SCN1A: variants seen among roughly 807,000 people sequenced by gnomAD.
The protein encoded by SCN1A is sodium channel protein type 1 subunit alpha.
A neutral mutation model predicts 193.7 loss-of-function variants in SCN1A; 13 were observed. The observed-to-expected ratio is 0.07, with a 90% CI of 0.04 to 0.11. The LOEUF (loss-of-function observed/expected upper bound fraction) is 0.11, where lower values mean the gene tolerates loss of function less well. SCN1A is among the 10% of genes least tolerant of loss of function. The probability of loss-of-function intolerance (pLI) is 1.00; values close to 1 mark genes in which losing one functional copy is unlikely to be tolerated. For synonymous variants in SCN1A, 781 were observed against 843.6 expected (o/e 0.93, Z 1.29); for missense variants, 1,432 against 2,451.1 (o/e 0.58, Z 8.78).
chr2:166,049,788 T>G (rs1698320623), intron 9 of SCN1A, among the ~76,000 whole-genome samples: 1 of 152,008 alleles, frequency 6.6e-6, no homozygotes, highest in South Asian at 2.1e-4. Context: ...TTGTAATTAT[T>G]TATTTACAAA....
upstream of SCN1A, among the ~76,000 whole-genome samples, chr2:166,129,946 A>C (rs1248725295): frequency 1.3e-5 from 2 of 152,142 alleles, no homozygotes; most frequent in Non-Finnish European, 2.9e-5. Context: ...GAGCCACTAC[A>C]TGTGATTCTG....
chr2:166,146,835 AC>A, intron 1 of SCN1A, among the ~76,000 whole-genome samples: 1 of 152,232 alleles, frequency 6.6e-6, no homozygotes, highest in East Asian at 1.9e-4. Context: ...CTTCTTATGG[AC>A]ATATTTAGAC....
In SCN1A at chr2:165,992,535, A is replaced by ACAG; in HGVS notation, c.4853-114_4853-113insCTG. 1.3e-5 allele frequency: 12 copies of ACAG among 893,212 alleles called. No homozygotes were observed. The Admixed American group carries it at 2.6e-4, about 19-fold the overall frequency. 55.3% of individuals were successfully genotyped at this position (893,212 alleles called of 1,614,324 possible). A position where few individuals can be genotyped will look rare whatever the true frequency, so the allele number is the denominator to read the frequency against. ...TCAGAGTCCTGAACCCAGTTATATT[A>ACAG]AATATGACAACTATATATAATATAT... On this transcript the variant is annotated intron_variant, in intron 28 of 28. Transcript: ENST00000674923. This position sits in a 1 kb window ranked among gnomAD's most constrained non-coding sequence, Gnocchi z 6.5.
chr2:165,985,143 A>G (rs545614433), downstream of SCN1A: 21 of 152,274 alleles, frequency 1.4e-4, no homozygotes, highest in Non-Finnish European at 2.9e-4. Flanking sequence ...GACAAAAAGG[A>G]TCAGTCAAGA....
intron 1 of SCN1A, among the ~76,000 whole-genome samples, chr2:166,140,548 T>C (rs1044668716): frequency 3.3e-5 from 5 of 152,176 alleles, no homozygotes; most frequent in African/African-American, 7.2e-5. Flanking sequence ...AATATAACTA[T>C]GTTTGGACGT....
At chr2:166,054,524 T>C (rs1181961245) in intron 7 of SCN1A, 114 bp downstream of exon 7, 1 of 1,093,592 alleles carries the variant, frequency 9.1e-7, no homozygotes, top group African/African-American at 1.6e-5. Flanking sequence ...AGAGTTTGAA[T>C]GTATAAATCA....
At chr2:166,121,435 C>T (rs986570564) in intron 2 of SCN1A, among the ~76,000 whole-genome samples, 1 of 152,150 alleles carries the variant, frequency 6.6e-6, no homozygotes, top group Non-Finnish European at 1.5e-5. Flanking sequence ...TTTTCTGTCA[C>T]TTTCCTCACT....
intron 3 of SCN1A, 139 bp from the exon 4 acceptor site, chr2:166,073,809 A>T (rs1684730241): frequency 1.5e-6 from 1 of 653,880 alleles, no homozygotes; most frequent in Admixed American, 3.1e-5. Context: ...TAAAGAAAAA[A>T]TTTTAACACA....
intron 2 of SCN1A, among the ~76,000 whole-genome samples, chr2:166,091,908 C>T (rs568031073): frequency 2.0e-5 from 3 of 152,210 alleles, no homozygotes; most frequent in African/African-American, 7.2e-5. Context: ...ATGCCTTATC[C>T]TAGGTCACCT....
intron 1 of SCN1A, among the ~76,000 whole-genome samples, chr2:166,144,335 G>T (rs114265372): frequency 0.013 from 1,982 of 152,300 alleles, 42 homozygotes; most frequent in African/African-American, 0.045. Context: ...TGGGTCATCA[G>T]TGTGGTACCT....
chr2:166,034,104 AAC>A (rs1308065637), intron 19 of SCN1A, among the ~76,000 whole-genome samples: 1 of 75,228 alleles, frequency 1.3e-5, no homozygotes, highest in East Asian at 7.5e-4. Flanking sequence ...ATTTGATAAA[AAC>A]AGTCTATTTT....
chr2:166,016,931 G>A (rs144477366), intron 19 of SCN1A, among the ~76,000 whole-genome samples: 33 of 151,150 alleles, frequency 2.2e-4, no homozygotes, highest in African/African-American at 7.8e-4. Context: ...ACATAGGAGA[G>A]TGTTGATATT....
At chr2:166,099,936 C>T in intron 2 of SCN1A, among the ~76,000 whole-genome samples, 1 of 115,948 alleles carries the variant, frequency 8.6e-6, no homozygotes, top group Non-Finnish European at 1.9e-5. Context: ...GGCCATACTG[C>T]CCAAGGTAAT....
chr2:165,997,884 T>C (rs559765696), intron 26 of SCN1A, among the ~76,000 whole-genome samples, 154 bp downstream of exon 26: 161 of 151,366 alleles, frequency 1.1e-3, no homozygotes, highest in Non-Finnish European at 1.8e-3. Flanking sequence ...GCCGGAAATA[T>C]ATGGATAGTG....
intron 16 of SCN1A, among the ~76,000 whole-genome samples, chr2:166,039,897 G>C (rs781700227): frequency 6.9e-6 from 1 of 144,310 alleles, no homozygotes; most frequent in Non-Finnish European, 1.5e-5. Context: ...ACTAGGATTT[G>C]AGTACAAGTC....
chr2:166,092,528 G>A (rs1005851741), intron 2 of SCN1A: 2 of 152,092 alleles, frequency 1.3e-5, no homozygotes, highest in Middle Eastern at 3.2e-3. Context: ...TATCTTTTGG[G>A]TTTATTTTTA....
chr2:166,008,998 G>A (rs1352512585), intron 23 of SCN1A, among the ~76,000 whole-genome samples: 2 of 150,828 alleles, frequency 1.3e-5, no homozygotes, highest in Non-Finnish European at 3.0e-5. Context: ...TCTTTGAAAA[G>A]GATAAAATAA....
chr2:166,046,658 T>A, intron 12 of SCN1A, 112 bp downstream of exon 12: 1 of 968,308 alleles, frequency 1.0e-6, no homozygotes, highest in South Asian at 1.5e-5. Context: ...AATATAGAAA[T>A]CATTATTAAT....
At chr2:166,000,711 G>A (rs544720340) in intron 24 of SCN1A, among the ~76,000 whole-genome samples, 4 of 151,832 alleles carry the variant, frequency 2.6e-5, no homozygotes, top group African/African-American at 9.6e-5. Context: ...AAAGTACAAG[G>A]CTTTTGTATA....
Sources: gnomAD v4.1 joint callset for allele counts (sites outside exome capture counted in the v4.1 genomes callset) on GRCh38, gnomAD v4.1.1 for gene constraint, Gnocchi (gnomAD v3.1) non-coding constraint, MANE v1.5 for transcripts, NCBI Gene and HGNC (gene_info 2026-07-23, HGNC 2026-07-21) for gene names.